Variants in PRKN observed in about 807,000 individuals in gnomAD.
PRKN encodes the protein E3 ubiquitin-protein ligase parkin.
PRKN carries 56 observed loss-of-function variants against 59.5 expected under a neutral mutation model. That is an observed-to-expected ratio of 0.94 (90% CI 0.76 to 1.18). The LOEUF (loss-of-function observed/expected upper bound fraction) is 1.18, where lower values mean the gene tolerates loss of function less well. PRKN is among the 50% of genes most tolerant of loss of function. The probability of loss-of-function intolerance (pLI) is 0.00; values close to 1 mark genes in which losing one functional copy is unlikely to be tolerated. For missense variants in PRKN, 657 were observed against 596.4 expected, an observed-to-expected ratio of 1.10 and a Z score of -1.06; for synonymous variants, 250 against 222.1, an observed-to-expected ratio of 1.13 and a Z score of -1.12.
At chr6:161,374,406 TTA>T (rs1785568378) in intron 10 of PRKN, among the ~76,000 whole-genome samples, 1 of 148,290 alleles carries the variant, frequency 6.7e-6, no homozygotes, top group African/African-American at 2.5e-5. Context: ...GTGTGTATGT[TTA>T]TGTGTGTGTG....
intron 2 of PRKN, among the ~76,000 whole-genome samples, chr6:162,399,329 G>C (rs1445237522): frequency 6.6e-6 from 1 of 152,150 alleles, no homozygotes; most frequent in Non-Finnish European, 1.5e-5. Context: ...ATTTGGTTTA[G>C]AGTAACAGAG....
chr6:161,905,825 G>A (rs972498483), intron 6 of PRKN, among the ~76,000 whole-genome samples: 1 of 151,168 alleles, frequency 6.6e-6, no homozygotes, highest in Non-Finnish European at 1.5e-5. Flanking sequence ...GCCTGGCATG[G>A]TGGAAACGGC....
At chr6:162,252,913 A>C (rs1779493526) in intron 3 of PRKN, among the ~76,000 whole-genome samples, 2 of 152,228 alleles carry the variant, frequency 1.3e-5, no homozygotes, top group African/African-American at 4.8e-5. Context: ...TCATTCATTT[A>C]ACACATATTA....
intron 7 of PRKN, among the ~76,000 whole-genome samples, chr6:161,663,304 C>T (rs962702936): frequency 3.3e-5 from 5 of 152,124 alleles, no homozygotes; most frequent in African/African-American, 4.8e-5. Flanking sequence ...GCTCTGACAC[C>T]GGACCTTCGA....
At chr6:161,616,141 T>C (rs1002041274) in intron 7 of PRKN, among the ~76,000 whole-genome samples, 3 of 152,188 alleles carry the variant, frequency 2.0e-5, no homozygotes, top group Non-Finnish European at 4.4e-5. Context: ...GAACTCCCTG[T>C]CCTGCTCTGT....
chr6:162,511,476 C>T (rs970353064), intron 1 of PRKN, among the ~76,000 whole-genome samples: 4 of 152,114 alleles, frequency 2.6e-5, no homozygotes, highest in Admixed American at 1.3e-4. Flanking sequence ...TCCTTTCTCA[C>T]AGTTTTCATG....
intron 5 of PRKN, among the ~76,000 whole-genome samples, chr6:161,991,082 G>C (rs1484749030): frequency 6.6e-6 from 1 of 152,130 alleles, no homozygotes; most frequent in Non-Finnish European, 1.5e-5. Context: ...ACAGGCAAGA[G>C]AGAATAGGAT....
chr6:162,343,441 T>C (rs568316772), intron 2 of PRKN, among the ~76,000 whole-genome samples: 19 of 152,146 alleles, frequency 1.2e-4, no homozygotes, highest in Non-Finnish European at 2.6e-4. Context: ...GCTCTTACCC[T>C]CCCCTAGGAA....
intron 4 of PRKN, among the ~76,000 whole-genome samples, chr6:162,066,819 A>G (rs1778359732): frequency 1.3e-5 from 2 of 152,240 alleles, no homozygotes; most frequent in Admixed American, 6.5e-5. Context: ...AATCACTGAT[A>G]CAGATCACAT....
chr6:161,962,081 T>C (rs1452064832), intron 6 of PRKN, among the ~76,000 whole-genome samples: 1 of 152,174 alleles, frequency 6.6e-6, no homozygotes, highest in Non-Finnish European at 1.5e-5. Flanking sequence ...GAATTTGCAC[T>C]CCGGGTGTCT....
chr6:162,505,199 A>G (rs1793556613), intron 1 of PRKN, among the ~76,000 whole-genome samples: 1 of 152,168 alleles, frequency 6.6e-6, no homozygotes, highest in Non-Finnish European at 1.5e-5. Context: ...CCTATGTTCT[A>G]GGGGCACTAT....
rs967251620 is a variant in PRKN, at chr6:161,440,638, G to A, written c.1084-53761C>T. Among the ~76,000 whole-genome samples the A allele has an allele frequency of 2.0e-5, 3 of 152,300 alleles. No homozygotes were observed. The highest frequency in any genetic ancestry group is 1.3e-4 in the Admixed American group (2 of 15,294). On this transcript the variant is annotated intron_variant, in intron 9 of 11. Transcript: ENST00000366898. The surrounding 1 kb of genome is among the most constrained non-coding windows in gnomAD (Gnocchi z 4.1). ...CTCGCAGACAGGGAGGAAGTGAAGA[G>A]GTGAGGCAGTAAAAATTCATAACAT...
chr6:162,698,421 T>C (rs982562745), intron 1 of PRKN, among the ~76,000 whole-genome samples: 2 of 152,210 alleles, frequency 1.3e-5, no homozygotes, highest in African/African-American at 4.8e-5. Context: ...TTTGCTACTT[T>C]TTCCTTTTAC....
intron 1 of PRKN, among the ~76,000 whole-genome samples, chr6:162,551,207 G>A (rs957061311): frequency 2.6e-5 from 4 of 152,134 alleles, no homozygotes; most frequent in South Asian, 2.1e-4. Context: ...TAGAGAACAC[G>A]TACTTGGGCA....
In PRKN at chr6:161,552,546, G is replaced by C. The variant is rs919031717; in HGVS notation, c.934-3543C>G. On this transcript the variant is annotated intron_variant, in intron 8 of 11. Coordinates refer to ENST00000366898, the MANE Select transcript of PRKN (RefSeq NM_004562.3). The surrounding 1 kb of genome is among the most constrained non-coding windows in gnomAD (Gnocchi z 4.9). Reference sequence around the variant, plus strand: ...ACCGAACTGCTCAACCTACTTTTTTGTCTTGACCTGTCCAAATCCTTCCAC... The same window carrying C: ...ACCGAACTGCTCAACCTACTTTTTTCTCTTGACCTGTCCAAATCCTTCCAC... Among the ~76,000 whole-genome samples, 1 of 151,430 alleles carries C rather than the reference G, an allele frequency of 6.6e-6. No individual in the cohort carries two copies. The highest frequency in any genetic ancestry group is 2.4e-5 in the African/African-American group (1 of 41,208).
intron 1 of PRKN, among the ~76,000 whole-genome samples, chr6:162,692,155 TAA>T (rs11311324): frequency 1.5e-5 from 2 of 135,054 alleles, no homozygotes; most frequent in Non-Finnish European, 3.1e-5. Context: ...TAAAGTATAA[TAA>T]AAAAAAAAGA....
chr6:161,900,855 T>TGTA (rs1286594767), intron 6 of PRKN, among the ~76,000 whole-genome samples: 191 of 142,306 alleles, frequency 1.3e-3, no homozygotes, highest in African/African-American at 4.8e-3. Flanking sequence ...TAATTACATA[T>TGTA]ATAATATATA....
intron 7 of PRKN, among the ~76,000 whole-genome samples, chr6:161,597,353 A>G (rs992653427): frequency 1.3e-5 from 2 of 152,174 alleles, no homozygotes; most frequent in African/African-American, 4.8e-5. Context: ...GAATATTTTC[A>G]TATTTCACAT....
chr6:162,168,100 A>G (rs1246629572), intron 4 of PRKN, among the ~76,000 whole-genome samples: 1 of 152,204 alleles, frequency 6.6e-6, no homozygotes, highest in Non-Finnish European at 1.5e-5. Context: ...AAGGGCCATT[A>G]TAAGAAGTAT....
Sources: gnomAD v4.1 joint callset for allele counts (sites outside exome capture counted in the v4.1 genomes callset) on GRCh38, gnomAD v4.1.1 for gene constraint, Gnocchi (gnomAD v3.1) non-coding constraint, MANE v1.5 for transcripts, NCBI Gene and HGNC (gene_info 2026-07-23, HGNC 2026-07-21) for gene names.